The following FNDC3B variants were observed in gnomAD, a reference collection of about 807,000 sequenced individuals.
FNDC3B encodes the protein fibronectin type III domain containing 3B.
FNDC3B carries 12 observed loss-of-function variants against 151.5 expected under a neutral mutation model. The observed-to-expected ratio is 0.08, with a 90% CI of 0.05 to 0.13. The LOEUF is 0.13. FNDC3B is among the 10% of genes least tolerant of loss of function. The pLI is 1.00. For missense variants in FNDC3B, 1,214 were observed against 1,505.3 expected (o/e 0.81, Z 3.20); for synonymous variants, 528 against 549.0 (o/e 0.96, Z 0.54).
intron 3 of FNDC3B, among the ~76,000 whole-genome samples, chr3:172,180,895 G>A (rs950856522): frequency 3.3e-5 from 5 of 152,040 alleles, no homozygotes; most frequent in South Asian, 2.1e-4. Flanking sequence ...CCTCAGAAGC[G>A]GGAAAAATTG....
chr3:172,253,114 AG>A (rs1358297781), intron 6 of FNDC3B, among the ~76,000 whole-genome samples: 14 of 152,240 alleles, frequency 9.2e-5, no homozygotes, highest in Non-Finnish European at 1.8e-4. Context: ...CGAGGTTTGA[AG>A]TACTTTGATT....
chr3:172,271,783 G>T (rs1485554199), intron 6 of FNDC3B, among the ~76,000 whole-genome samples: 1 of 152,184 alleles, frequency 6.6e-6, no homozygotes, highest in African/African-American at 2.4e-5. Context: ...AGAGCAACAG[G>T]CTCTGCTTTG....
In FNDC3B at chr3:172,397,424, A is replaced by C. The variant is rs1020964630; in HGVS notation, c.3564A>C (p.Ala1188=). ...QFAAIIVLGF[A]TLSILFAFIL... ...CAGCCATCATTGTGCTTGGCTTTGC[A>C]ACTTTGTCCATTTTATTTGCCTTTA... The change falls in exon 26 of 26, where the codon GCA becomes GCC. Residue 1188 remains alanine, a synonymous_variant. Coordinates refer to ENST00000415807, the MANE Select transcript of FNDC3B (RefSeq NM_022763.4). The C allele has an allele frequency of 1.9e-6, 3 of 1,613,162 alleles. No individual in the cohort carries two copies. The Admixed American group carries it at 5.0e-5, about 27-fold the overall frequency.
chr3:172,217,457 A>G (rs1285924079), intron 3 of FNDC3B, among the ~76,000 whole-genome samples: 1 of 152,226 alleles, frequency 6.6e-6, no homozygotes, highest in Non-Finnish European at 1.5e-5. Context: ...GTCCAGCTCC[A>G]GAGTTCCTTG....
intron 4 of FNDC3B, 23 bp from the exon 5 acceptor site, chr3:172,247,509 CT>C: frequency 6.2e-7 from 1 of 1,610,654 alleles, no homozygotes; most frequent in Non-Finnish European, 8.5e-7. Flanking sequence ...GTACTGCGTT[CT>C]TTCCTTTTGT....
intron 3 of FNDC3B, among the ~76,000 whole-genome samples, chr3:172,163,121 A>G (rs1175971333): frequency 6.6e-6 from 1 of 152,120 alleles, no homozygotes; most frequent in Non-Finnish European, 1.5e-5. Flanking sequence ...TTTTAAAAAA[A>G]TTAACTGGGC....
intron 11 of FNDC3B, among the ~76,000 whole-genome samples, chr3:172,311,645 T>C (rs9811589): frequency 6.7e-6 from 1 of 149,704 alleles, no homozygotes; most frequent in Non-Finnish European, 1.5e-5. Context: ...GGCAGGTGGA[T>C]CACGAGGTCA....
intron 25 of FNDC3B, among the ~76,000 whole-genome samples, chr3:172,391,984 G>GA (rs3215322): frequency 0.31 from 47,100 of 150,266 alleles, 8,318 homozygotes; most frequent in East Asian, 0.6. Flanking sequence ...TATCTTTAAA[G>GA]AAAAAAAAAA....
chr3:172,392,621 C>T (rs1324939255), intron 25 of FNDC3B, among the ~76,000 whole-genome samples: 1 of 151,966 alleles, frequency 6.6e-6, no homozygotes. Context: ...AGTTTACACA[C>T]TGGGCTTTAG....
intron 3 of FNDC3B, among the ~76,000 whole-genome samples, chr3:172,208,113 T>G (rs1725524235): frequency 6.6e-6 from 1 of 152,056 alleles, no homozygotes; most frequent in African/African-American, 2.4e-5. Flanking sequence ...GATTTGGTGA[T>G]TAAGATCTGA....
At chr3:172,369,501 A>G (rs1257398823) in intron 23 of FNDC3B, among the ~76,000 whole-genome samples, 1 of 152,094 alleles carries the variant, frequency 6.6e-6, no homozygotes, top group Non-Finnish European at 1.5e-5. Context: ...TATTCTTTGT[A>G]AAGAATTTCC....
intron 1 of FNDC3B, among the ~76,000 whole-genome samples, chr3:172,055,760 G>A (rs898154956): frequency 1.3e-5 from 2 of 151,734 alleles, no homozygotes; most frequent in South Asian, 4.2e-4. Flanking sequence ...ATGAAGGTGA[G>A]TGAGTTTGTT....
intron 2 of FNDC3B, among the ~76,000 whole-genome samples, chr3:172,125,899 G>A (rs925994846): frequency 6.6e-6 from 1 of 152,090 alleles, no homozygotes; most frequent in Non-Finnish European, 1.5e-5. Context: ...GTTGATGAAG[G>A]ACTGCTTGGA....
chr3:172,366,120 C>G (rs563114138), intron 23 of FNDC3B, among the ~76,000 whole-genome samples: 1 of 152,120 alleles, frequency 6.6e-6, no homozygotes, highest in East Asian at 1.9e-4. Context: ...ATACTAACTT[C>G]CCTTAAGAGT....
chr3:172,280,826 C>T (rs1187915259), intron 6 of FNDC3B, among the ~76,000 whole-genome samples: 1 of 152,090 alleles, frequency 6.6e-6, no homozygotes, highest in Non-Finnish European at 1.5e-5. Flanking sequence ...ACATGAAAAC[C>T]ATTATTTATG....
rs1734817534 is a variant in FNDC3B at position 172,370,157 on chromosome 3, A to T, written c.3008+7312A>T. Among the ~76,000 whole-genome samples, 4 of 152,320 alleles carry T rather than the reference A, an allele frequency of 2.6e-5. No individual in the cohort carries two copies. In the South Asian group the frequency reaches 8.3e-4, roughly 32 times the overall value. On this transcript the variant is annotated intron_variant, in intron 23 of 25. Coordinates refer to ENST00000415807, the MANE Select transcript of FNDC3B (RefSeq NM_022763.4). ...CTGTAGTTGGCCTAGGGATTATAAG[A>T]TAACAAGGTAGTAAATATAGAAACG...
At chr3:172,054,555 A>G (rs1576821543) in intron 1 of FNDC3B, among the ~76,000 whole-genome samples, 1 of 152,160 alleles carries the variant, frequency 6.6e-6, no homozygotes, top group African/African-American at 2.4e-5. Context: ...TTGCCTAAAA[A>G]CCGTTTCTGG....
intron 13 of FNDC3B, 21 bp downstream of exon 13, chr3:172,330,736 A>G (rs552447232): frequency 3.1e-6 from 5 of 1,593,512 alleles, no homozygotes; most frequent in South Asian, 1.1e-5. Context: ...CAGATTTTAT[A>G]CTTCTCTGTG....
chr3:172,155,259 G>T (rs544284323), intron 3 of FNDC3B, among the ~76,000 whole-genome samples: 3 of 152,178 alleles, frequency 2.0e-5, no homozygotes, highest in African/African-American at 4.8e-5. Flanking sequence ...AGTCCCTCTC[G>T]TGGAGGATTC....
Sources: allele counts gnomAD v4.1 joint callset (sites outside exome capture counted in the v4.1 genomes callset), GRCh38; gene constraint gnomAD v4.1.1; transcripts MANE v1.5; gene names NCBI Gene and HGNC (gene_info 2026-07-23, HGNC 2026-07-21).